Variants in IL12RB2 observed in about 807,000 individuals in gnomAD.
IL12RB2 encodes the protein interleukin 12 receptor subunit beta 2.
In IL12RB2, 82 loss-of-function variants were observed where a neutral mutation model predicts 89.4. The ratio of observed to expected loss-of-function variants is 0.92; its 90% confidence interval spans 0.77 to 1.10. IL12RB2 has a LOEUF of 1.10. Among genes scored for constraint, IL12RB2 ranks in the 50% least tolerant of loss-of-function variants. The probability of loss-of-function intolerance (pLI) is 0.00; values close to 1 mark genes in which losing one functional copy is unlikely to be tolerated. For synonymous variants in IL12RB2, 368 were observed against 370.1 expected (o/e 0.99, Z 0.07); for missense variants, 963 against 1,031.9 (o/e 0.93, Z 0.92).
intron 11 of IL12RB2, among the ~76,000 whole-genome samples, chr1:67,371,145 T>A (rs780291866): frequency 6.6e-6 from 1 of 152,200 alleles, no homozygotes; most frequent in Non-Finnish European, 1.5e-5. Context: ...CCCTTTGGGC[T>A]TCTTGGTGTC....
At chr1:67,373,024 G>A (rs893219205) in intron 13 of IL12RB2, among the ~76,000 whole-genome samples, 2 of 152,216 alleles carry the variant, frequency 1.3e-5, no homozygotes, top group Non-Finnish European at 2.9e-5. Flanking sequence ...ATACAGAAAT[G>A]AAGTAAATGG....
Position 67,386,612 on chromosome 1 carries a change from G to C in IL12RB2, c.1889G>C (p.Ser630Thr). The C allele has an allele frequency of 6.2e-7, 1 of 1,613,774 alleles. No homozygotes were observed. Among genetic ancestry groups the C allele is most frequent in the Non-Finnish European group, 8.5e-7 (1 of 1,179,786 alleles). Residue 630 changes from serine (S) to threonine (T), a missense_variant, in exon 15 of 17, where the codon AGC (serine) becomes ACC (threonine). Transcript: ENST00000674203. ...AATTGGATGGCGTTTGTGGCACCAAGCATTTGCATTGCTATCATCATGGTG... is the reference window on the plus strand; with the variant it reads ...AATTGGATGGCGTTTGTGGCACCAACCATTTGCATTGCTATCATCATGGTG... ...KANWMAFVAP[S>T]ICIAIIMVGI...
intron 10 of IL12RB2, among the ~76,000 whole-genome samples, chr1:67,363,635 G>A (rs1662370559): frequency 6.6e-6 from 1 of 152,202 alleles, no homozygotes; most frequent in Non-Finnish European, 1.5e-5. Context: ...TTATATATAA[G>A]TGAAATGAAA....
intron 9 of IL12RB2, among the ~76,000 whole-genome samples, chr1:67,349,819 T>C (rs1200369345): frequency 6.6e-6 from 1 of 152,352 alleles, no homozygotes; most frequent in South Asian, 2.1e-4. Context: ...TCTCCCAGTA[T>C]GCTAATTGTT....
At chr1:67,311,082 T>C (rs1052841071) in intron 1 of IL12RB2, among the ~76,000 whole-genome samples, 4 of 152,132 alleles carry the variant, frequency 2.6e-5, no homozygotes, top group Non-Finnish European at 4.4e-5. Flanking sequence ...AGTGGTCAAG[T>C]GATTTGTCAC....
chr1:67,357,563 A>C (rs1237557788), intron 10 of IL12RB2, among the ~76,000 whole-genome samples: 1 of 152,232 alleles, frequency 6.6e-6, no homozygotes, highest in Non-Finnish European at 1.5e-5. Context: ...TCCATCTCTT[A>C]AACTTCAGTT....
intron 1 of IL12RB2, among the ~76,000 whole-genome samples, chr1:67,311,191 G>C (rs77010140): frequency 0.027 from 4,073 of 152,260 alleles, 162 homozygotes; most frequent in African/African-American, 0.094. Flanking sequence ...AGGCTCTTCT[G>C]GGAGCTTGGA....
At chr1:67,320,110 C>T (rs1057035616) in intron 2 of IL12RB2, among the ~76,000 whole-genome samples, 3 of 152,174 alleles carry the variant, frequency 2.0e-5, no homozygotes, top group Non-Finnish European at 4.4e-5. Flanking sequence ...CAAATTCCTT[C>T]TCTAATCCTT....
At chr1:67,380,374 C>T (rs1664445883) in intron 14 of IL12RB2, among the ~76,000 whole-genome samples, 1 of 152,158 alleles carries the variant, frequency 6.6e-6, no homozygotes, top group Admixed American at 6.5e-5. Flanking sequence ...CCCAAATGCT[C>T]CTTACATAAT....
intron 7 of IL12RB2, among the ~76,000 whole-genome samples, chr1:67,330,277 A>AGTTTT (rs1558307815): frequency 1.4e-5 from 2 of 139,476 alleles, no homozygotes; most frequent in African/African-American, 2.9e-5. Flanking sequence ...TTTTTTTAAA[A>AGTTTT]AAAAAAAAAG....
chr1:67,341,493 G>GAAAGAGAAAGAAAGAAAGAGAA (rs1448904390), intron 9 of IL12RB2, among the ~76,000 whole-genome samples: 2 of 112,924 alleles, frequency 1.8e-5, no homozygotes, highest in African/African-American at 5.7e-5. Flanking sequence ...AGAAAATAGA[G>GAAAGAGAAAGAAAGAAAGAGAA]AAAGAGAAAG....
chr1:67,324,459 G>C (rs1028272630), intron 4 of IL12RB2, among the ~76,000 whole-genome samples: 15 of 152,040 alleles, frequency 9.9e-5, no homozygotes, highest in African/African-American at 3.4e-4. Flanking sequence ...TAATCTCAGT[G>C]ATCCGCCCCC....
At chr1:67,389,960 C>T (rs1192179819) in intron 15 of IL12RB2, 69 bp from the exon 16 acceptor site, 7 of 836,804 alleles carry the variant, frequency 8.4e-6, no homozygotes, top group Non-Finnish European at 1.5e-5. Flanking sequence ...AGTTACTGCA[C>T]TGAGAACCTG....
intron 10 of IL12RB2, among the ~76,000 whole-genome samples, chr1:67,366,247 T>A (rs1211679919): frequency 6.6e-6 from 1 of 150,998 alleles, no homozygotes; most frequent in Non-Finnish European, 1.5e-5. Flanking sequence ...AGGTCAGGAG[T>A]TCGAGACCAG....
At chr1:67,350,655 T>A (rs1225364613) in intron 9 of IL12RB2, among the ~76,000 whole-genome samples, 1 of 152,204 alleles carries the variant, frequency 6.6e-6, no homozygotes, top group African/African-American at 2.4e-5. Flanking sequence ...TTAAGAATTA[T>A]CTTTTAAAAA....
chr1:67,326,474 G>A (rs998803746), intron 4 of IL12RB2, among the ~76,000 whole-genome samples: 3 of 152,138 alleles, frequency 2.0e-5, no homozygotes, highest in Non-Finnish European at 2.9e-5. Flanking sequence ...GGGGTGCTAC[G>A]CTGTCTAATT....
intron 1 of IL12RB2, among the ~76,000 whole-genome samples, chr1:67,312,816 G>A (rs1558290676): frequency 2.0e-5 from 3 of 151,946 alleles, no homozygotes; most frequent in Admixed American, 6.6e-5. Flanking sequence ...AGGAACCATA[G>A]GACAGCAAAT....
intron 13 of IL12RB2, among the ~76,000 whole-genome samples, chr1:67,376,596 CTTCT>C (rs1664015684): frequency 6.6e-6 from 1 of 152,154 alleles, no homozygotes; most frequent in Non-Finnish European, 1.5e-5. Context: ...GACTTCTTGA[CTTCT>C]TTCTTCTATT....
intron 11 of IL12RB2, among the ~76,000 whole-genome samples, chr1:67,371,969 C>T (rs1190706410): frequency 6.6e-6 from 1 of 152,198 alleles, no homozygotes; most frequent in African/African-American, 2.4e-5. Flanking sequence ...ATTCCAGCCT[C>T]ACTTTCCTGT....
Sources: gnomAD v4.1 joint callset for allele counts (sites outside exome capture counted in the v4.1 genomes callset) on GRCh38, gnomAD v4.1.1 for gene constraint, MANE v1.5 for transcripts, NCBI Gene and HGNC (gene_info 2026-07-23, HGNC 2026-07-21) for gene names.